The following MGAT4C variants were observed in gnomAD, a reference collection of about 807,000 sequenced individuals.
The protein encoded by MGAT4C is MGAT4 family member C.
In MGAT4C, 19 loss-of-function variants were observed where a neutral mutation model predicts 40.1. That is an observed-to-expected ratio of 0.47 (90% CI 0.33 to 0.70). The LOEUF (loss-of-function observed/expected upper bound fraction) is 0.70, where lower values mean the gene tolerates loss of function less well. MGAT4C is among the 30% of genes least tolerant of loss of function. The pLI, the probability that MGAT4C is intolerant of heterozygous loss-of-function variation, is 0.02. For missense variants in MGAT4C, 491 were observed against 563.2 expected, an observed-to-expected ratio of 0.87 and a Z score of 1.30; for synonymous variants, 181 against 187.1, an observed-to-expected ratio of 0.97 and a Z score of 0.27.
At chr12:86,519,840 C>T (rs1339260676) in intron 2 of MGAT4C, among the ~76,000 whole-genome samples, 6 of 152,036 alleles carry the variant, frequency 3.9e-5, no homozygotes, top group African/African-American at 1.2e-4. Flanking sequence ...AATATTTTCT[C>T]CCATTCTGTG....
chr12:86,396,366 C>T (rs1463459284), intron 3 of MGAT4C, among the ~76,000 whole-genome samples: 1 of 151,986 alleles, frequency 6.6e-6, no homozygotes, highest in Non-Finnish European at 1.5e-5. Context: ...TAAATACATG[C>T]TTAGAATCAA....
chr12:86,223,523 T>C (rs1325896560), intron 1 of MGAT4C, among the ~76,000 whole-genome samples: 1 of 152,126 alleles, frequency 6.6e-6, no homozygotes, highest in Non-Finnish European at 1.5e-5. Flanking sequence ...CCTGCTTCCA[T>C]TGTGAGTGCC....
intron 3 of MGAT4C, among the ~76,000 whole-genome samples, chr12:86,391,610 C>G (rs1399072400): frequency 2.6e-5 from 4 of 152,024 alleles, no homozygotes; most frequent in Non-Finnish European, 4.4e-5. Flanking sequence ...TGTAATCCCA[C>G]TACTTTGGGA....
chr12:86,364,792 G>C (rs113106465), intron 3 of MGAT4C, among the ~76,000 whole-genome samples: 1 of 152,188 alleles, frequency 6.6e-6, no homozygotes, highest in Non-Finnish European at 1.5e-5. Flanking sequence ...TTCAAAAGGG[G>C]AGGGGGTGTA....
At chr12:86,808,253 G>A (rs1419967736) in intron 1 of MGAT4C, among the ~76,000 whole-genome samples, 1 of 152,070 alleles carries the variant, frequency 6.6e-6, no homozygotes, top group African/African-American at 2.4e-5. Flanking sequence ...ATTGAAAGGA[G>A]AGACTCCTCT....
At chr12:86,207,111 CT>C (rs61602141) in intron 1 of MGAT4C, among the ~76,000 whole-genome samples, 110,547 of 148,080 alleles carry the variant, frequency 0.75, 41,274 homozygotes, top group Middle Eastern at 0.81. Flanking sequence ...CCTTTTTTTT[CT>C]TTTTTTTTTT....
At chr12:86,327,400 G>A in intron 4 of MGAT4C, among the ~76,000 whole-genome samples, 1 of 151,950 alleles carries the variant, frequency 6.6e-6, no homozygotes, top group Admixed American at 6.6e-5. Flanking sequence ...TTCACTCAAA[G>A]TGAGTGCCTC....
intron 1 of MGAT4C, among the ~76,000 whole-genome samples, chr12:86,192,756 T>C (rs570014737): frequency 6.6e-6 from 1 of 152,354 alleles, no homozygotes; most frequent in East Asian, 1.9e-4. Context: ...GTCGTTTTTC[T>C]ATCAACAAGT....
At chr12:86,198,191 G>A (rs1181772257) in intron 1 of MGAT4C, among the ~76,000 whole-genome samples, 2 of 152,036 alleles carry the variant, frequency 1.3e-5, no homozygotes, top group African/African-American at 4.8e-5. Context: ...AAAACAACCA[G>A]GAGTATTTAA....
At chr12:86,474,920 A>G (rs924325437) in intron 2 of MGAT4C, among the ~76,000 whole-genome samples, 3 of 152,170 alleles carry the variant, frequency 2.0e-5, no homozygotes, top group Non-Finnish European at 4.4e-5. Context: ...ATATATGCAC[A>G]AAAAGTATAT....
chr12:86,479,325 G>A (rs1234596552), intron 2 of MGAT4C, among the ~76,000 whole-genome samples: 1 of 151,884 alleles, frequency 6.6e-6, no homozygotes, highest in Non-Finnish European at 1.5e-5. Context: ...AGTAGAGCAA[G>A]GAAAGCATTT....
chr12:86,218,804 C>T (rs1950767149), intron 1 of MGAT4C, among the ~76,000 whole-genome samples: 1 of 152,090 alleles, frequency 6.6e-6, no homozygotes, highest in Non-Finnish European at 1.5e-5. Context: ...TAAGACTGAT[C>T]CAAGTCAAAA....
chr12:86,255,186 C>T (rs886410006), intron 1 of MGAT4C, among the ~76,000 whole-genome samples: 19 of 151,958 alleles, frequency 1.3e-4, no homozygotes, highest in African/African-American at 4.6e-4. Context: ...TAAAAGAGCA[C>T]GTTAAACAAA....
At chr12:86,255,665 T>C (rs1952487944) in intron 1 of MGAT4C, among the ~76,000 whole-genome samples, 1 of 152,140 alleles carries the variant, frequency 6.6e-6, no homozygotes, top group Non-Finnish European at 1.5e-5. Flanking sequence ...AAATTTTTCA[T>C]TATTATTATT....
intron 2 of MGAT4C, chr12:86,028,033 G>T (rs1890391222): frequency 1.2e-6 from 1 of 843,036 alleles, no homozygotes; most frequent in Non-Finnish European, 1.7e-6. Flanking sequence ...TGAAAATCAA[G>T]TGTATCTAGT....
chr12:86,507,169 G>T (rs1958485653), intron 2 of MGAT4C, among the ~76,000 whole-genome samples: 1 of 152,100 alleles, frequency 6.6e-6, no homozygotes, highest in Non-Finnish European at 1.5e-5. Context: ...ATGTCTCTCT[G>T]AGTTTTTGTA....
intron 1 of MGAT4C, among the ~76,000 whole-genome samples, chr12:86,205,072 TA>T (rs557743484): frequency 3.8e-4 from 58 of 152,040 alleles, no homozygotes; most frequent in Non-Finnish European, 3.4e-4. Flanking sequence ...TACATGTATA[TA>T]AAAATAAAAA....
intron 2 of MGAT4C, among the ~76,000 whole-genome samples, chr12:86,024,564 A>G (rs1479317051): frequency 2.0e-5 from 3 of 151,946 alleles, no homozygotes; most frequent in South Asian, 4.1e-4. Context: ...GTTGCACTCT[A>G]ACATCTGAAT....
intron 1 of MGAT4C, among the ~76,000 whole-genome samples, chr12:86,101,070 T>C (rs1271213869): frequency 6.6e-6 from 1 of 151,778 alleles, no homozygotes; most frequent in Non-Finnish European, 1.5e-5. Flanking sequence ...ATAGATTTCA[T>C]ATTCTTTTTC....
Sources: allele counts gnomAD v4.1 joint callset (sites outside exome capture counted in the v4.1 genomes callset), GRCh38; gene constraint gnomAD v4.1.1; transcripts MANE v1.5; gene names NCBI Gene and HGNC (gene_info 2026-07-23, HGNC 2026-07-21).